Variants in CDH11 observed in about 807,000 individuals in gnomAD.
CDH11 encodes the protein cadherin-11.
CDH11 carries 11 observed loss-of-function variants against 67.8 expected under a neutral mutation model. The observed-to-expected ratio is 0.16, with a 90% CI of 0.10 to 0.27. CDH11 has a LOEUF of 0.27. Ranked by LOEUF, CDH11 falls within the 10% of genes least tolerant of loss-of-function variation. The probability of loss-of-function intolerance (pLI) is 1.00; values close to 1 mark genes in which losing one functional copy is unlikely to be tolerated. For synonymous variants in CDH11, 419 were observed against 400.0 expected, an observed-to-expected ratio of 1.05 and a Z score of -0.57; for missense variants, 847 against 1,031.2, an observed-to-expected ratio of 0.82 and a Z score of 2.45.
At chr16:65,047,804 C>G (rs1425242591) in intron 2 of CDH11, among the ~76,000 whole-genome samples, 1 of 152,174 alleles carries the variant, frequency 6.6e-6, no homozygotes, top group Non-Finnish European at 1.5e-5. Flanking sequence ...GTACTGTTCC[C>G]TTTGCCTGGA....
At chr16:65,002,413 C>T (rs186964175) in intron 3 of CDH11, among the ~76,000 whole-genome samples, 52 of 152,286 alleles carry the variant, frequency 3.4e-4, no homozygotes, top group Admixed American at 7.2e-4. Context: ...CAGCCCTTCA[C>T]AACATTTAAG....
Position 64,972,991 on chromosome 16 carries a change from G to C in CDH11, c.1303C>G (p.Pro435Ala), listed in dbSNP as rs569933889. 1 of 1,613,564 alleles carries C rather than the reference G, an allele frequency of 6.2e-7. No homozygotes were observed. The highest frequency in any genetic ancestry group is 1.1e-5 in the South Asian group (1 of 91,064). ...GTAGTTTTAATAAAACCATCCTCTG[G>C]ATTAATAGTGAAAAATCTGTCGAGG... ...TDLDRFFTIN[P>A]EDGFIKTTKP... The change falls in exon 9 of 13, where the codon CCA becomes GCA. Residue 435 changes from proline to alanine, a missense_variant. Physicochemically the swap from Pro to Ala is conservative, Grantham distance 27 (BLOSUM62 -1). Around this residue, in one of 2 missense-constraint regions of CDH11, gnomAD observed 612 missense variants for 678.7 expected, o/e 0.90. Transcript: ENST00000268603.
intron 1 of CDH11, among the ~76,000 whole-genome samples, chr16:65,076,637 T>C (rs2074514132): frequency 6.6e-6 from 1 of 150,610 alleles, no homozygotes; most frequent in Non-Finnish European, 1.5e-5. Context: ...CATCAACCTG[T>C]CATCTACACT....
At chr16:65,068,204 G>A (rs1425757127) in intron 1 of CDH11, among the ~76,000 whole-genome samples, 1 of 147,772 alleles carries the variant, frequency 6.8e-6, no homozygotes, top group African/African-American at 2.6e-5. Flanking sequence ...GAGAGAAGAA[G>A]GGAAAGAGGA....
intron 11 of CDH11, among the ~76,000 whole-genome samples, chr16:64,957,837 G>T (rs927073486): frequency 6.6e-6 from 1 of 152,050 alleles, no homozygotes; most frequent in African/African-American, 2.4e-5. Context: ...TGTGAATTTT[G>T]AAAAATTAAT....
chr16:65,018,713 G>GTT (rs2073364511), intron 2 of CDH11, among the ~76,000 whole-genome samples: 1 of 152,184 alleles, frequency 6.6e-6, no homozygotes, highest in Admixed American at 6.5e-5. Context: ...ATTAATTCCT[G>GTT]TTTTGCTCAA....
chr16:65,034,842 T>G (rs954861366), intron 2 of CDH11, among the ~76,000 whole-genome samples: 1 of 152,120 alleles, frequency 6.6e-6, no homozygotes, highest in Non-Finnish European at 1.5e-5. Context: ...GGGGTCCAGA[T>G]AGGCCCCTCA....
At chr16:65,114,171 T>C (rs1334241595) in intron 1 of CDH11, among the ~76,000 whole-genome samples, 3 of 152,152 alleles carry the variant, frequency 2.0e-5, no homozygotes, top group East Asian at 3.9e-4. Flanking sequence ...CAGGCTGTCA[T>C]CAGGACATTT....
In CDH11 at chr16:65,121,328, T is replaced by C. The variant is rs1324009061; in HGVS notation, c.-298+552A>G. On this transcript the variant is annotated intron_variant, in intron 1 of 12. Coordinates refer to ENST00000268603, the MANE Select transcript of CDH11 (RefSeq NM_001797.4). The surrounding 1 kb of genome is among the most constrained non-coding windows in gnomAD (Gnocchi z 4.1). Reference sequence around the variant, plus strand: ...GCAATCTCCTTCCGGAGCTGGGGTCTTTCCGTTTTCCCGGGCTTACCCGGC... The same window carrying C: ...GCAATCTCCTTCCGGAGCTGGGGTCCTTCCGTTTTCCCGGGCTTACCCGGC... Among the ~76,000 whole-genome samples the C allele has an allele frequency of 6.6e-6, 1 of 152,218 alleles. No homozygotes were observed. The highest frequency in any genetic ancestry group is 1.9e-4 in the East Asian group (1 of 5,180).
At chr16:65,078,407 T>C (rs982740864) in intron 1 of CDH11, among the ~76,000 whole-genome samples, 1 of 152,168 alleles carries the variant, frequency 6.6e-6, no homozygotes, top group Admixed American at 6.6e-5. Context: ...ATCCCCGTAG[T>C]GACAGGAAAG....
chr16:65,034,802 C>T (rs1038574285), intron 2 of CDH11, among the ~76,000 whole-genome samples: 5 of 152,102 alleles, frequency 3.3e-5, no homozygotes, highest in Non-Finnish European at 5.9e-5. Context: ...GGACTGCCTA[C>T]GTGGAATTGG....
At chr16:65,023,968 G>C (rs372227862) in intron 2 of CDH11, among the ~76,000 whole-genome samples, 1 of 152,126 alleles carries the variant, frequency 6.6e-6, no homozygotes, top group Non-Finnish European at 1.5e-5. Context: ...CTGAACTCCT[G>C]GGGATGCAGC....
intron 11 of CDH11, among the ~76,000 whole-genome samples, chr16:64,959,086 G>A (rs185354247): frequency 6.6e-6 from 1 of 152,252 alleles, no homozygotes; most frequent in Non-Finnish European, 1.5e-5. Flanking sequence ...GACTCTGATG[G>A]CTATAATGTC....
intron 1 of CDH11, among the ~76,000 whole-genome samples, chr16:65,097,676 A>T (rs1317150499): frequency 6.6e-6 from 1 of 152,216 alleles, no homozygotes; most frequent in African/African-American, 2.4e-5. Context: ...TATAACATAC[A>T]CAAAGAAGAG....
rs550286625 is a variant in CDH11 at position 65,061,781 on chromosome 16, T to G, written c.-297-7853A>C. Among the ~76,000 whole-genome samples, 5 of 152,310 alleles carry G rather than the reference T, an allele frequency of 3.3e-5. No individual in the cohort carries two copies. In the South Asian group the frequency reaches 1.0e-3, roughly 32 times the overall value. On this transcript the variant is annotated intron_variant, in intron 1 of 12. Coordinates refer to ENST00000268603, the MANE Select transcript of CDH11 (RefSeq NM_001797.4). Reference sequence around the variant, plus strand: ...GAGCTGAATGTTCCGCAGACACAACTTAATCCAAACAGGCAATTATGATGG... The same window carrying G: ...GAGCTGAATGTTCCGCAGACACAACGTAATCCAAACAGGCAATTATGATGG...
At chr16:64,971,756 A>C (rs557876460) in intron 10 of CDH11, 60 bp from the exon 11 acceptor site, 1 of 1,444,136 alleles carries the variant, frequency 6.9e-7, no homozygotes, top group Non-Finnish European at 9.7e-7. Context: ...CATTTATTCA[A>C]AAATTTCTGG....
At chr16:65,021,993 T>C (rs868802522) in intron 2 of CDH11, among the ~76,000 whole-genome samples, 1 of 151,866 alleles carries the variant, frequency 6.6e-6, no homozygotes, top group African/African-American at 2.4e-5. Context: ...AAAAAACTCA[T>C]TCTCTAAGAC....
At chr16:64,950,667 C>A in intron 12 of CDH11, 100 bp downstream of exon 12, 3 of 1,124,818 alleles carry the variant, frequency 2.7e-6, no homozygotes, top group Non-Finnish European at 3.5e-6. Flanking sequence ...ACAGTCATAA[C>A]AGGGTCCTGG....
chr16:65,111,674 AACACACACACACACAC>A (rs71143552), intron 1 of CDH11, among the ~76,000 whole-genome samples: 3 of 140,650 alleles, frequency 2.1e-5, no homozygotes, highest in Non-Finnish European at 1.5e-5. Flanking sequence ...GAAAGCTAGA[AACACACACACACACAC>A]ACACACACAC....
Sources: allele counts gnomAD v4.1 joint callset (sites outside exome capture counted in the v4.1 genomes callset), GRCh38; gene constraint gnomAD v4.1.1; regional missense constraint gnomAD v4.1.1; non-coding constraint Gnocchi (gnomAD v3.1); transcripts MANE v1.5; gene names NCBI Gene and HGNC (gene_info 2026-07-23, HGNC 2026-07-21).